ZMAT4: variants seen among roughly 807,000 people sequenced by gnomAD.
ZMAT4 encodes zinc finger matrin-type protein 4.
A neutral mutation model predicts 28.7 loss-of-function variants in ZMAT4; 17 were observed. That is an observed-to-expected ratio of 0.59 (90% CI 0.41 to 0.89). The LOEUF is 0.89. Among genes scored for constraint, ZMAT4 ranks in the 40% least tolerant of loss-of-function variants. ZMAT4 has a pLI of 0.00. For synonymous variants in ZMAT4, 117 were observed against 109.2 expected (o/e 1.07, Z -0.44); for missense variants, 240 against 283.8 (o/e 0.85, Z 1.11).
chr8:40,800,735 G>A lies in ZMAT4; in HGVS notation c.102+24840C>T, dbSNP rs185584902. 3.1e-3 allele frequency among the ~76,000 whole-genome samples: 478 copies of A among 152,184 alleles called. 3 individuals are homozygous for A. Among genetic ancestry groups the A allele is most frequent in the Non-Finnish European group, 4.3e-3 (294 of 67,980 alleles). On this transcript the variant is annotated intron_variant, in intron 2 of 6. Transcript: ENST00000297737. ...TAAAAACACAACTTAAAATTTGTGA[G>A]ATGCAGTAAAGCAGTGTTTAAAGCA...
intron 2 of ZMAT4, among the ~76,000 whole-genome samples, chr8:40,801,351 A>AAAAAATAT (rs370796453): frequency 5.1e-5 from 5 of 97,262 alleles, no homozygotes; most frequent in African/African-American, 1.9e-4. Flanking sequence ...TAAAAAAAAA[A>AAAAAATAT]ATATATATAT....
At chr8:40,564,089 T>G (rs952424655) in intron 6 of ZMAT4, among the ~76,000 whole-genome samples, 5 of 152,134 alleles carry the variant, frequency 3.3e-5, no homozygotes, top group African/African-American at 1.2e-4. Flanking sequence ...TTATTTTTGG[T>G]CTGTCCTCCA....
intron 6 of ZMAT4, among the ~76,000 whole-genome samples, chr8:40,549,227 G>A (rs563978753): frequency 6.6e-6 from 1 of 152,240 alleles, no homozygotes; most frequent in East Asian, 1.9e-4. Flanking sequence ...CCAGAACCAT[G>A]AGAGATACAT....
At chr8:40,642,423 TAC>T (rs1440885918) in intron 5 of ZMAT4, among the ~76,000 whole-genome samples, 3 of 152,226 alleles carry the variant, frequency 2.0e-5, no homozygotes, top group African/African-American at 7.2e-5. Context: ...ACATCACACA[TAC>T]ACAGTCAATG....
chr8:40,540,818 T>C (rs1372528656), intron 6 of ZMAT4, among the ~76,000 whole-genome samples: 1 of 152,202 alleles, frequency 6.6e-6, no homozygotes, highest in African/African-American at 2.4e-5. Flanking sequence ...TCTCTGATTC[T>C]GATTCTGTTT....
At chr8:40,850,267 A>G (rs573032352) in intron 1 of ZMAT4, among the ~76,000 whole-genome samples, 3 of 152,132 alleles carry the variant, frequency 2.0e-5, no homozygotes, top group Non-Finnish European at 4.4e-5. Context: ...CTGGCCTGTG[A>G]GCCCCACCCA....
intron 1 of ZMAT4, among the ~76,000 whole-genome samples, chr8:40,887,196 T>G (rs575103927): frequency 6.8e-6 from 1 of 147,670 alleles, no homozygotes; most frequent in East Asian, 2.0e-4. Flanking sequence ...AAAAGCCGGT[T>G]TTGGCCAGGC....
chr8:40,741,742 C>T (rs750286286), intron 3 of ZMAT4, among the ~76,000 whole-genome samples: 21 of 152,090 alleles, frequency 1.4e-4, no homozygotes, highest in Non-Finnish European at 2.8e-4. Context: ...GTGGCAATGA[C>T]AAGTGTCGGA....
chr8:40,890,716 C>T (rs1355256535), intron 1 of ZMAT4, among the ~76,000 whole-genome samples: 2 of 152,186 alleles, frequency 1.3e-5, no homozygotes, highest in East Asian at 1.9e-4. Flanking sequence ...TCCCTCCCTA[C>T]CTGGTGGGCA....
At chr8:40,666,303 T>C (rs1273919099) in intron 5 of ZMAT4, among the ~76,000 whole-genome samples, 1 of 152,192 alleles carries the variant, frequency 6.6e-6, no homozygotes, top group Non-Finnish European at 1.5e-5. Flanking sequence ...TTTTTTCTTA[T>C]TAATTTAAAA....
chr8:40,785,106 A>G (rs1212055227), intron 2 of ZMAT4, among the ~76,000 whole-genome samples: 2 of 152,170 alleles, frequency 1.3e-5, no homozygotes, highest in Admixed American at 6.5e-5. Context: ...GCTGATTCTC[A>G]CCCCAGTTCC....
chr8:40,796,891 AG>A (rs1208717339), intron 2 of ZMAT4, among the ~76,000 whole-genome samples: 1 of 152,114 alleles, frequency 6.6e-6, no homozygotes, highest in African/African-American at 2.4e-5. Context: ...TCTCCTTCCC[AG>A]GGCAGGATCC....
At chr8:40,816,826 A>G (rs1010650405) in intron 2 of ZMAT4, among the ~76,000 whole-genome samples, 1 of 152,248 alleles carries the variant, frequency 6.6e-6, no homozygotes, top group Non-Finnish European at 1.5e-5. Context: ...CAACTGACCC[A>G]TTAGCAGATA....
intron 3 of ZMAT4, among the ~76,000 whole-genome samples, chr8:40,731,717 T>C (rs1268067010): frequency 6.6e-6 from 1 of 152,042 alleles, no homozygotes; most frequent in Admixed American, 6.5e-5. Context: ...ACGGAAAAAG[T>C]CAAGAAAATG....
chr8:40,692,349 T>C (rs1227700318), intron 4 of ZMAT4, among the ~76,000 whole-genome samples: 1 of 152,212 alleles, frequency 6.6e-6, no homozygotes, highest in Non-Finnish European at 1.5e-5. Context: ...GGGAATTATA[T>C]GAAAGATTGC....
chr8:40,672,116 C>T (rs900389978), intron 5 of ZMAT4, among the ~76,000 whole-genome samples: 1 of 152,024 alleles, frequency 6.6e-6, no homozygotes, highest in Non-Finnish European at 1.5e-5. Context: ...AGTAAGTAAA[C>T]AAGACAGTGT....
chr8:40,691,014 G>A, intron 4 of ZMAT4: 1 of 735,838 alleles, frequency 1.4e-6, no homozygotes, highest in Non-Finnish European at 1.7e-6. Context: ...TCCACTTAGT[G>A]AGAGCCTTGG....
In ZMAT4 at chr8:40,601,626, GA is replaced by G. The variant is rs1222974721; in HGVS notation, c.578-20366del. Reference sequence around the variant, plus strand: ...AGAAAGAAAGAAAGAAAGAAAGAAAGAAAGAAAGAGAAAGAAAGAAAGAAAG... The same window carrying G: ...AGAAAGAAAGAAAGAAAGAAAGAAAGAAGAAAGAGAAAGAAAGAAAGAAAG... On this transcript the variant is annotated intron_variant, in intron 5 of 6. Transcript: ENST00000297737. Among the ~76,000 whole-genome samples, 17 of 25,762 alleles carry G rather than the reference GA, an allele frequency of 6.6e-4. No homozygotes were observed. In the South Asian group the frequency reaches 0.014, roughly 22 times the overall value. The allele number at this position is 25,762 out of a possible 152,430, so 16.9% of individuals were successfully genotyped here. A position where few individuals can be genotyped will look rare whatever the true frequency, so the allele number is the denominator to read the frequency against.
At chr8:40,660,593 A>G (rs1056492532) in intron 5 of ZMAT4, among the ~76,000 whole-genome samples, 5 of 152,224 alleles carry the variant, frequency 3.3e-5, no homozygotes, top group Admixed American at 2.0e-4. Context: ...GCAAAGCACC[A>G]TAGAATTTAA....
Sources: allele counts gnomAD v4.1 joint callset (sites outside exome capture counted in the v4.1 genomes callset), GRCh38; gene constraint gnomAD v4.1.1; transcripts MANE v1.5; gene names NCBI Gene and HGNC (gene_info 2026-07-23, HGNC 2026-07-21).